The following PGM5 variants were observed in gnomAD, a reference collection of about 807,000 sequenced individuals.
PGM5 encodes phosphoglucomutase-like protein 5.
PGM5 carries 23 observed loss-of-function variants against 59.2 expected under a neutral mutation model. That is an observed-to-expected ratio of 0.39 (90% CI 0.28 to 0.55). PGM5 has a LOEUF of 0.55. Ranked by LOEUF, PGM5 falls within the 20% of genes least tolerant of loss-of-function variation. PGM5 has a pLI of 0.66. For synonymous variants in PGM5, 214 were observed against 286.0 expected (o/e 0.75, Z 2.54); for missense variants, 574 against 748.3 (o/e 0.77, Z 2.72).
chr9:68,509,934 GAAGA>G (rs1372355388), intron 10 of PGM5, among the ~76,000 whole-genome samples: 6 of 152,056 alleles, frequency 3.9e-5, no homozygotes, highest in African/African-American at 1.4e-4. Flanking sequence ...CTAACCCTGG[GAAGA>G]ACAAAACCTT....
chr9:68,477,522 G>A (rs1421073731), intron 7 of PGM5, among the ~76,000 whole-genome samples: 1 of 152,152 alleles, frequency 6.6e-6, no homozygotes, highest in Non-Finnish European at 1.5e-5. Flanking sequence ...TGAAACCCAA[G>A]AATACTGTTG....
At chr9:68,479,760 C>T (rs1196058775) in intron 8 of PGM5, among the ~76,000 whole-genome samples, 16 of 152,226 alleles carry the variant, frequency 1.1e-4, no homozygotes, top group African/African-American at 3.4e-4. Context: ...CGGTGAAACC[C>T]CGTCTCTACT....
intron 6 of PGM5, among the ~76,000 whole-genome samples, chr9:68,446,764 A>C (rs1823618175): frequency 6.6e-6 from 1 of 152,234 alleles, no homozygotes; most frequent in African/African-American, 2.4e-5. Flanking sequence ...TTTATTCTCT[A>C]GAGTTAAAAA....
In PGM5 at chr9:68,471,591, G is replaced by C. The variant is rs980485666; in HGVS notation, c.1159+6383G>C. On this transcript the variant is annotated intron_variant, in intron 7 of 10. Transcript: ENST00000396396. ...AGGCCAGGAGTTCAAGGCCAGCCTG[G>C]TCAACACAAAAAGACCCTGTCTCTT... is the stretch of plus-strand genomic sequence containing the variant. Among the ~76,000 whole-genome samples, 4 of 150,876 alleles carry C rather than the reference G, an allele frequency of 2.7e-5. No homozygotes were observed. In the East Asian group the frequency reaches 7.8e-4, roughly 29 times the overall value.
Position 68,437,627 on chromosome 9 carries a change from T to G in PGM5, c.1044-27466T>G, listed in dbSNP as rs1823461136. Among the ~76,000 whole-genome samples, 1 of 152,020 alleles carries G rather than the reference T, an allele frequency of 6.6e-6. No individual in the cohort carries two copies. Among genetic ancestry groups the G allele is most frequent in the Admixed American group, 6.6e-5 (1 of 15,260 alleles). On this transcript the variant is annotated intron_variant, in intron 6 of 10. Coordinates refer to ENST00000396396, the MANE Select transcript of PGM5 (RefSeq NM_021965.4). The surrounding 1 kb of genome is among the most constrained non-coding windows in gnomAD (Gnocchi z 4.1). ...CTCACACATTTTACCCACACATGCA[T>G]ATACTGTATATACACACCCACAATA...
intron 10 of PGM5, among the ~76,000 whole-genome samples, chr9:68,508,966 G>GGTT (rs1824701487): frequency 6.6e-6 from 1 of 152,182 alleles, no homozygotes; most frequent in African/African-American, 2.4e-5. Flanking sequence ...TGAACCTGGA[G>GGTT]GTTGCCTGTG....
Position 68,529,788 on chromosome 9 carries a change from G to T in PGM5, c.*132G>T. ...AAAGATATTTTGCTTTTGGGGGATA[G>T]AGGGTGGGTGGGAAAAGAAAAAAAA... On this transcript the variant is annotated 3_prime_UTR_variant, in exon 11 of 11. Coordinates refer to ENST00000396396, the MANE Select transcript of PGM5 (RefSeq NM_021965.4). 8.3e-6 allele frequency: 4 copies of T among 479,734 alleles called. No individual in the cohort carries two copies. Among genetic ancestry groups the T allele is most frequent in the Non-Finnish European group, 1.5e-5 (4 of 267,842 alleles). The allele number at this position is 479,734 out of a possible 1,614,324, so 29.7% of individuals were successfully genotyped here. A position where few individuals can be genotyped will look rare whatever the true frequency, so the allele number is the denominator to read the frequency against.
chr9:68,528,220 T>G (rs539835027), intron 10 of PGM5, among the ~76,000 whole-genome samples: 94 of 152,264 alleles, frequency 6.2e-4, no homozygotes, highest in African/African-American at 2.2e-3. Flanking sequence ...TATTAATAGG[T>G]GTCTTTATTT....
At chr9:68,484,575 C>A (rs1458896999) in intron 9 of PGM5, among the ~76,000 whole-genome samples, 20 of 145,298 alleles carry the variant, frequency 1.4e-4, no homozygotes, top group African/African-American at 5.1e-4. Flanking sequence ...CACACACACA[C>A]ACAAAACAAA....
intron 6 of PGM5, 140 bp downstream of exon 6, chr9:68,392,613 G>A: frequency 7.3e-7 from 1 of 1,365,614 alleles, no homozygotes; most frequent in Non-Finnish European, 9.6e-7. Flanking sequence ...AGTGTACTGG[G>A]TAGAAGCTGG....
chr9:68,428,600 T>C (rs1208891228), intron 6 of PGM5: 1 of 152,222 alleles, frequency 6.6e-6, no homozygotes, highest in Non-Finnish European at 1.5e-5. Flanking sequence ...TAATAGCCTG[T>C]CAGGAGTATG....
At chr9:68,490,772 TG>T (rs1824377809) in intron 9 of PGM5, among the ~76,000 whole-genome samples, 1 of 152,226 alleles carries the variant, frequency 6.6e-6, no homozygotes, top group Admixed American at 6.5e-5. Context: ...TTTGCGCATC[TG>T]GAAGTAGAGC....
intron 8 of PGM5, among the ~76,000 whole-genome samples, chr9:68,482,662 A>G (rs1381605371): frequency 6.6e-6 from 1 of 152,214 alleles, no homozygotes; most frequent in Non-Finnish European, 1.5e-5. Flanking sequence ...AGATCCTCCA[A>G]GTGACTTGGG....
chr9:68,490,898 A>G (rs1451380809), intron 9 of PGM5, among the ~76,000 whole-genome samples: 1 of 152,218 alleles, frequency 6.6e-6, no homozygotes, highest in Non-Finnish European at 1.5e-5. Context: ...TGTTTAAGTG[A>G]ATGGGCTATT....
At chr9:68,470,663 GGAGA>G (rs1824006090) in intron 7 of PGM5, among the ~76,000 whole-genome samples, 2 of 152,188 alleles carry the variant, frequency 1.3e-5, no homozygotes, top group African/African-American at 2.4e-5. Context: ...CTAGTCTCTA[GGAGA>G]GAGAAAGAGG....
chr9:68,442,172 C>T (rs1823538418), intron 6 of PGM5, among the ~76,000 whole-genome samples: 1 of 152,114 alleles, frequency 6.6e-6, no homozygotes, highest in East Asian at 1.9e-4. Flanking sequence ...AAAATTTCCA[C>T]AGGATATTGA....
At chr9:68,480,329 G>A (rs557195967) in intron 8 of PGM5, among the ~76,000 whole-genome samples, 4 of 152,268 alleles carry the variant, frequency 2.6e-5, no homozygotes, top group Non-Finnish European at 5.9e-5. Context: ...CAGATTCAGT[G>A]TCCAAGATGC....
intron 6 of PGM5, chr9:68,426,736 T>G (rs1220212924): frequency 6.6e-6 from 1 of 152,074 alleles, no homozygotes; most frequent in Non-Finnish European, 1.5e-5. Flanking sequence ...TCCAAATATC[T>G]TTCCCTTGGT....
At chr9:68,376,542 CT>C (rs1821891743) in intron 1 of PGM5, among the ~76,000 whole-genome samples, 1 of 144,316 alleles carries the variant, frequency 6.9e-6, no homozygotes, top group African/African-American at 2.6e-5. Context: ...TCTTCTGTAT[CT>C]TTTTTTCCCC....
Sources: gnomAD v4.1 joint callset for allele counts (sites outside exome capture counted in the v4.1 genomes callset) on GRCh38, gnomAD v4.1.1 for gene constraint, Gnocchi (gnomAD v3.1) non-coding constraint, MANE v1.5 for transcripts, NCBI Gene and HGNC (gene_info 2026-07-23, HGNC 2026-07-21) for gene names.